Variants in PEBP4 observed in about 807,000 individuals in gnomAD.
PEBP4 encodes phosphatidylethanolamine binding protein 4.
Under a neutral mutation model 23.9 loss-of-function variants are expected in PEBP4, and 22 were observed. That is an observed-to-expected ratio of 0.92 (90% confidence interval 0.66 to 1.31). The LOEUF (loss-of-function observed/expected upper bound fraction) is 1.31, where lower values mean the gene tolerates loss of function less well. Among genes scored for constraint, PEBP4 ranks in the 40% most tolerant of loss-of-function variants. The pLI, the probability that PEBP4 is intolerant of heterozygous loss-of-function variation, is 0.00. For synonymous variants in PEBP4, 112 were observed against 99.3 expected, an observed-to-expected ratio of 1.13 and a Z score of -0.76; for missense variants, 324 against 281.7, an observed-to-expected ratio of 1.15 and a Z score of -1.07.
chr8:22,935,441 G>C (rs1471041387), intron 1 of PEBP4, among the ~76,000 whole-genome samples: 1 of 152,170 alleles, frequency 6.6e-6, no homozygotes. Context: ...CAGGAGAATT[G>C]CTTGAACCCA....
intron 4 of PEBP4, among the ~76,000 whole-genome samples, chr8:22,758,511 G>A (rs536867817): frequency 5.9e-5 from 9 of 152,344 alleles, no homozygotes; most frequent in African/African-American, 1.9e-4. Flanking sequence ...GCAGGGGGCC[G>A]GTTTACCTGG....
intron 3 of PEBP4, among the ~76,000 whole-genome samples, chr8:22,843,400 A>G (rs1807366604): frequency 6.6e-6 from 1 of 152,258 alleles, no homozygotes; most frequent in Non-Finnish European, 1.5e-5. Flanking sequence ...CTGGATCCAA[A>G]TGATACCAGG....
intron 3 of PEBP4, among the ~76,000 whole-genome samples, chr8:22,833,362 T>C (rs1395423035): frequency 6.6e-6 from 1 of 152,154 alleles, no homozygotes; most frequent in African/African-American, 2.4e-5. Flanking sequence ...GATAGGGTCT[T>C]ATTCTGTCAC....
chr8:22,906,574 C>T (rs754689460), intron 3 of PEBP4, among the ~76,000 whole-genome samples: 4 of 152,224 alleles, frequency 2.6e-5, no homozygotes, highest in Admixed American at 6.5e-5. Context: ...TGCCTTGCCT[C>T]GACTGTCATG....
At chr8:22,911,614 A>G (rs1808940086) in intron 3 of PEBP4, among the ~76,000 whole-genome samples, 1 of 152,186 alleles carries the variant, frequency 6.6e-6, no homozygotes, top group African/African-American at 2.4e-5. Context: ...AGCAGGCAAC[A>G]AGTCCCTGTA....
chr8:22,797,253 CAAAAA>C (rs57749113), intron 4 of PEBP4, among the ~76,000 whole-genome samples: 3 of 114,398 alleles, frequency 2.6e-5, no homozygotes, highest in Non-Finnish European at 3.7e-5. Context: ...AACTCTGTCT[CAAAAA>C]AAAAAAAAAA....
At chr8:22,813,259 G>A (rs1276271685) in intron 4 of PEBP4, among the ~76,000 whole-genome samples, 1 of 152,110 alleles carries the variant, frequency 6.6e-6, no homozygotes, top group Non-Finnish European at 1.5e-5. Context: ...TGAATGAAAG[G>A]GAACCATGAA....
chr8:22,877,649 G>A (rs1323292113), intron 3 of PEBP4, among the ~76,000 whole-genome samples: 1 of 21,640 alleles, frequency 4.6e-5, no homozygotes. Context: ...CACCCCAGGG[G>A]CCCACCACCC....
intron 3 of PEBP4, among the ~76,000 whole-genome samples, chr8:22,863,643 G>A (rs550833521): frequency 2.0e-4 from 31 of 152,208 alleles, no homozygotes; most frequent in Non-Finnish European, 1.8e-4. Context: ...TCTGTTCAAC[G>A]CACATTCATT....
At chr8:22,813,411 C>T (rs991590925) in intron 4 of PEBP4, among the ~76,000 whole-genome samples, 4 of 152,172 alleles carry the variant, frequency 2.6e-5, no homozygotes, top group African/African-American at 9.7e-5. Flanking sequence ...TGTTCTTTGT[C>T]ACCAATCATG....
chr8:22,755,326 CTTTTTTTTTTTTTTT>C (rs547269095), intron 4 of PEBP4, among the ~76,000 whole-genome samples: 4 of 114,614 alleles, frequency 3.5e-5, no homozygotes, highest in East Asian at 3.4e-4. Context: ...TTCTCTCCCT[CTTTTTTTTTTTTTTT>C]TTTTTTTTTT....
At chr8:22,923,293 G>A (rs887346573) in intron 2 of PEBP4, among the ~76,000 whole-genome samples, 6 of 152,108 alleles carry the variant, frequency 3.9e-5, no homozygotes, top group East Asian at 1.9e-4. Context: ...AGGGCTGGGC[G>A]TGGTGGCTCA....
intron 3 of PEBP4, among the ~76,000 whole-genome samples, chr8:22,842,146 G>C (rs757728111): frequency 4.6e-5 from 7 of 152,258 alleles, no homozygotes; most frequent in Non-Finnish European, 1.5e-5. Context: ...AAAAGGAACT[G>C]CTAACTTACA....
chr8:22,821,673 G>A (rs979514691), intron 3 of PEBP4, among the ~76,000 whole-genome samples: 1 of 152,020 alleles, frequency 6.6e-6, no homozygotes, highest in African/African-American at 2.4e-5. Flanking sequence ...AACTCAAAGC[G>A]GGACAAGGAA....
At chr8:22,720,745 C>G (rs1804500463) in intron 6 of PEBP4, among the ~76,000 whole-genome samples, 1 of 152,202 alleles carries the variant, frequency 6.6e-6, no homozygotes, top group Non-Finnish European at 1.5e-5. Flanking sequence ...TTCCTCCTAT[C>G]TTGGGGACCA....
intron 4 of PEBP4, among the ~76,000 whole-genome samples, chr8:22,766,385 G>A (rs955521690): frequency 6.6e-6 from 1 of 152,238 alleles, no homozygotes; most frequent in Non-Finnish European, 1.5e-5. Flanking sequence ...CAGCCCCTTG[G>A]CGATAACATA....
chr8:22,927,118 T>C (rs986468534), intron 2 of PEBP4, among the ~76,000 whole-genome samples: 2 of 152,214 alleles, frequency 1.3e-5, no homozygotes, highest in Non-Finnish European at 2.9e-5. Flanking sequence ...TAAAGGGCCC[T>C]GCACAAACGC....
chr8:22,919,688 G>A (rs1357443511), intron 3 of PEBP4, among the ~76,000 whole-genome samples: 4 of 152,164 alleles, frequency 2.6e-5, no homozygotes, highest in East Asian at 1.9e-4. Context: ...ACAACAAAGC[G>A]TCAAGATGCA....
At chr8:22,909,333 G>C (rs1389837308) in intron 3 of PEBP4, among the ~76,000 whole-genome samples, 2 of 152,178 alleles carry the variant, frequency 1.3e-5, no homozygotes, top group Non-Finnish European at 2.9e-5. Context: ...CCTCCGCATT[G>C]CCAGCACCTG....
Sources: allele counts gnomAD v4.1 joint callset (sites outside exome capture counted in the v4.1 genomes callset), GRCh38; gene constraint gnomAD v4.1.1; transcripts MANE v1.5; gene names NCBI Gene and HGNC (gene_info 2026-07-23, HGNC 2026-07-21).